The following BCLAF3 variants were observed in gnomAD, a reference collection of about 807,000 sequenced individuals.
The protein encoded by BCLAF3 is BCLAF1 and THRAP3 family member 3.
In BCLAF3, 24 loss-of-function variants were observed where a neutral mutation model predicts 51.2. The observed-to-expected ratio is 0.47, with a 90% CI of 0.34 to 0.66. The LOEUF is 0.66. Ranked by LOEUF, BCLAF3 falls within the 30% of genes least tolerant of loss-of-function variation. BCLAF3 has a pLI of 0.01. For synonymous variants in BCLAF3, 152 were observed against 176.6 expected (o/e 0.86, Z 1.10); for missense variants, 465 against 525.1 (o/e 0.89, Z 1.12).
chrX:19,980,587 T>C (rs1297442384), intron 1 of BCLAF3, among the ~76,000 whole-genome samples: 2 of 111,515 alleles, frequency 1.8e-5, no homozygotes, highest in African/African-American at 6.5e-5. Flanking sequence ...AATATGTAAA[T>C]GTACATATAA....
At position 19,965,587 on chromosome X, in the gene BCLAF3, A is replaced by G. The variant is rs751974969; in HGVS notation, c.731T>C (p.Leu244Pro). 1 of 1,190,674 alleles carries G rather than the reference A, an allele frequency of 8.4e-7. No homozygotes were observed. Among genetic ancestry groups the G allele is most frequent in the South Asian group, 1.9e-5 (1 of 52,934 alleles). Residue 244 changes from leucine to proline, a missense_variant, in exon 4 of 12, where the codon CTC becomes CCC. Transcript: ENST00000379682. The part of the protein sequence containing the change: ...RNPKWKPEHS[L>P]PPYQEDTDQW... ...GTCTGTGTCCTCTTGGTAAGGTGGG[A>G]GGGAATGCTCAGGCTTCCACTTTGG...
At position 19,914,762 on chromosome X, in the gene BCLAF3, A is replaced by C. The variant is rs921483984; in HGVS notation, c.*2543T>G. 8.9e-6 allele frequency: 1 copy of C among 111,902 alleles called. No individual in the cohort carries two copies. The highest frequency in any genetic ancestry group is 1.9e-5 in the Non-Finnish European group (1 of 53,230). The allele number at this position is 111,902 out of a possible 1,213,427, so 9.2% of individuals were successfully genotyped here. On this transcript the variant is annotated 3_prime_UTR_variant, in exon 12 of 12. Coordinates refer to ENST00000379682, the MANE Select transcript of BCLAF3 (RefSeq NM_001367774.2). The stretch of plus-strand genomic sequence containing the variant: ...GAAATAATACAGAGAGATCCCGCGT[A>C]CAATTTACCCAGTTTCCCCCAATGC...
intron 10 of BCLAF3, among the ~76,000 whole-genome samples, chrX:19,934,023 G>A (rs190956312): frequency 3.6e-5 from 4 of 111,371 alleles, no homozygotes; most frequent in East Asian, 2.8e-4. Context: ...TGATCCACCC[G>A]TCTCAGCAAC....
Position 19,966,448 on chromosome X carries a change from A to G in BCLAF3, c.243T>C (p.Pro81=), listed in dbSNP as rs777815988. 3.3e-6 allele frequency: 4 copies of G among 1,211,336 alleles called. No individual in the cohort carries two copies. The South Asian group carries it at 7.0e-5, about 21-fold the overall frequency. The change falls in exon 3 of 12, where the codon CCT becomes CCC. Residue 81 remains proline, a synonymous_variant. Coordinates refer to ENST00000379682, the MANE Select transcript of BCLAF3 (RefSeq NM_001367774.2). ...CATTTTCTAAAGAGTTTCTTATGTT[A>G]GGGGAAGGTGATCTATGTTCATAAG... The part of the protein sequence containing the change: ...YQSYEHRSPS[P]NIRNSLENVY...
intron 11 of BCLAF3, among the ~76,000 whole-genome samples, chrX:19,925,971 C>T (rs1385715289): frequency 9.0e-6 from 1 of 111,369 alleles, no homozygotes; most frequent in Non-Finnish European, 1.9e-5. Flanking sequence ...CAGTAGGGTG[C>T]TAGTAGTAAG....
chrX:19,985,246 G>C (rs2072759191), intron 1 of BCLAF3: 1 of 111,355 alleles, frequency 9.0e-6, no homozygotes, highest in African/African-American at 3.3e-5. Context: ...AAAAATGAAA[G>C]AATAAAAATA....
In BCLAF3 at chrX:19,917,211, T is replaced by G. The variant is rs1006019188; in HGVS notation, c.*94A>C. On this transcript the variant is annotated 3_prime_UTR_variant, in exon 12 of 12. Transcript: ENST00000379682. ...TTATTTTATCAAGAAGTTACAGTAT[T>G]AGTGCCTTAGTGTCACTTCTAACTC... 1.3e-6 allele frequency: 1 copy of G among 779,275 alleles called. No individual in the cohort carries two copies. The highest frequency in any genetic ancestry group is 1.9e-6 in the Non-Finnish European group (1 of 513,178). The allele number at this position is 779,275 out of a possible 1,213,427, so 64.2% of individuals were successfully genotyped here.
chrX:19,941,745 G>A (rs1168238859), intron 8 of BCLAF3, among the ~76,000 whole-genome samples: 34 of 105,523 alleles, frequency 3.2e-4, no homozygotes, highest in Admixed American at 2.7e-3. Context: ...GGATTGACTT[G>A]GCCATGCGGG....
intron 11 of BCLAF3, among the ~76,000 whole-genome samples, chrX:19,925,413 A>G (rs1263868068): frequency 9.0e-6 from 1 of 111,492 alleles, no homozygotes; most frequent in Non-Finnish European, 1.9e-5. Context: ...ACTTTAAGGC[A>G]TATGGGAATA....
chrX:19,933,745 A>G (rs2070651712), intron 10 of BCLAF3, among the ~76,000 whole-genome samples: 1 of 111,956 alleles, frequency 8.9e-6, no homozygotes, highest in South Asian at 3.7e-4. Context: ...TCATGTAAAA[A>G]GTAAATTTTA....
At chrX:19,918,534 CTTTTTTTTTTTTTTTT>C (rs749600263) in intron 11 of BCLAF3, among the ~76,000 whole-genome samples, 1 of 55,198 alleles carries the variant, frequency 1.8e-5, no homozygotes, top group Non-Finnish European at 3.1e-5. Context: ...CCAACCCGGC[CTTTTTTTTTTTTTTTT>C]TTTTTTTTTT....
At chrX:19,973,378 T>A in intron 1 of BCLAF3, among the ~76,000 whole-genome samples, 1 of 111,956 alleles carries the variant, frequency 8.9e-6, no homozygotes, top group Non-Finnish European at 1.9e-5. Flanking sequence ...TTTGTATCAG[T>A]TTTATTTATA....
intron 1 of BCLAF3, among the ~76,000 whole-genome samples, chrX:19,986,033 C>T: frequency 9.1e-6 from 1 of 109,797 alleles, no homozygotes. Context: ...ATTAATAATT[C>T]AAAATTCTGT....
chrX:19,918,518 G>GC (rs1174493592), intron 11 of BCLAF3, among the ~76,000 whole-genome samples: 3 of 81,054 alleles, frequency 3.7e-5, no homozygotes, highest in African/African-American at 9.0e-5. Flanking sequence ...TGATTTAAAA[G>GC]CCCCCCCAAC....
At chrX:19,956,216 G>A (rs754778622) in intron 4 of BCLAF3, among the ~76,000 whole-genome samples, 8 of 111,450 alleles carry the variant, frequency 7.2e-5, no homozygotes, top group African/African-American at 9.8e-5. Context: ...ATATAACCCC[G>A]GCTATCTTAC....
At chrX:19,944,229 A>G (rs2071165708) in intron 8 of BCLAF3, among the ~76,000 whole-genome samples, 1 of 69,203 alleles carries the variant, frequency 1.4e-5, no homozygotes, top group Admixed American at 1.7e-4. Flanking sequence ...TCTTTATCCA[A>G]TTTGCCAGTC....
rs769512593 is a variant in BCLAF3, at chrX:19,966,604, T to C, written c.87A>G (p.Arg29=). The C allele has an allele frequency of 2.6e-5, 32 of 1,208,974 alleles. No individual in the cohort carries two copies. The highest frequency in any genetic ancestry group is 2.2e-5 in the Non-Finnish European group (20 of 895,118). The change falls in exon 3 of 12, where the codon AGA becomes AGG. Residue 29 remains arginine, a synonymous_variant. Transcript: ENST00000379682. ...CACAGCCATAATGCCCGTGTGAATG[T>C]CTTTGCTTGTAGTGTTCAGCATTTC... ...VPRNAEHYKQ[R]HSHGHYGCEY...
At chrX:19,974,818 G>A (rs1438482530) in intron 1 of BCLAF3, among the ~76,000 whole-genome samples, 2 of 110,868 alleles carry the variant, frequency 1.8e-5, no homozygotes, top group African/African-American at 6.6e-5. Context: ...GGGGGCGGAG[G>A]TTACAGTGAG....
rs889017815 is a variant in BCLAF3, at chrX:19,961,199, T to C, written c.1274+3845A>G. On this transcript the variant is annotated intron_variant, in intron 4 of 11. Coordinates refer to ENST00000379682, the MANE Select transcript of BCLAF3 (RefSeq NM_001367774.2). ...TGTTTTGCATATGTAACAACCTTAGTAGAAATTTTCATACTGTGATTCCCT... is the reference window on the plus strand; with the variant it reads ...TGTTTTGCATATGTAACAACCTTAGCAGAAATTTTCATACTGTGATTCCCT... Among the ~76,000 whole-genome samples the C allele has an allele frequency of 2.7e-5, 3 of 112,569 alleles. No individual in the cohort carries two copies. In the South Asian group the frequency reaches 1.1e-3, roughly 41 times the overall value.
Sources: gnomAD v4.1 joint callset for allele counts (sites outside exome capture counted in the v4.1 genomes callset) on GRCh38, gnomAD v4.1.1 for gene constraint, MANE v1.5 for transcripts, NCBI Gene and HGNC (gene_info 2026-07-23, HGNC 2026-07-21) for gene names.